KCNT2: variants seen among roughly 807,000 people sequenced by gnomAD.
The protein encoded by KCNT2 is potassium sodium-activated channel subfamily T member 2, also known as potassium channel subfamily T member 2.
KCNT2 carries 67 observed loss-of-function variants against 153.8 expected under a neutral mutation model. The observed-to-expected ratio is 0.44, with a 90% CI of 0.36 to 0.53. The LOEUF (loss-of-function observed/expected upper bound fraction) is 0.53, where lower values mean the gene tolerates loss of function less well. KCNT2 is among the 20% of genes least tolerant of loss of function. KCNT2 has a pLI of 0.00. For synonymous variants in KCNT2, 500 were observed against 458.8 expected (o/e 1.09, Z -1.15); for missense variants, 975 against 1,354.8 (o/e 0.72, Z 4.40).
intron 12 of KCNT2, among the ~76,000 whole-genome samples, chr1:196,403,057 G>A (rs996915536): frequency 6.6e-6 from 1 of 151,546 alleles, no homozygotes; most frequent in Non-Finnish European, 1.5e-5. Context: ...CAGCAATTGG[G>A]CTCCTTAGTA....
chr1:196,244,323 A>C (rs1655228072), intron 26 of KCNT2, among the ~76,000 whole-genome samples: 1 of 152,056 alleles, frequency 6.6e-6, no homozygotes, highest in Non-Finnish European at 1.5e-5. Context: ...GAGAGGGAAG[A>C]GTAAAGGGGA....
intron 14 of KCNT2, among the ~76,000 whole-genome samples, chr1:196,372,730 T>C (rs1006329951): frequency 1.8e-4 from 28 of 151,930 alleles, no homozygotes; most frequent in Admixed American, 1.7e-3. Context: ...AGCTTTCAGA[T>C]AAAACTTACC....
At chr1:196,474,357 A>C (rs1678350135) in intron 5 of KCNT2, among the ~76,000 whole-genome samples, 1 of 152,164 alleles carries the variant, frequency 6.6e-6, no homozygotes, top group Admixed American at 6.5e-5. Context: ...ATTTAATAAA[A>C]GGTTTGGTAA....
chr1:196,562,569 G>A (rs1490992480), intron 1 of KCNT2, among the ~76,000 whole-genome samples: 1 of 151,982 alleles, frequency 6.6e-6, no homozygotes, highest in Non-Finnish European at 1.5e-5. Context: ...CAAATATGGG[G>A]GAGAGTCATG....
intron 25 of KCNT2, among the ~76,000 whole-genome samples, chr1:196,258,883 T>G (rs1656752544): frequency 6.6e-6 from 1 of 152,158 alleles, no homozygotes; most frequent in African/African-American, 2.4e-5. Flanking sequence ...TTTCTAAACC[T>G]ATTACAAGTA....
At chr1:196,441,172 T>C (rs1675190884) in intron 8 of KCNT2, among the ~76,000 whole-genome samples, 1 of 151,890 alleles carries the variant, frequency 6.6e-6, no homozygotes, top group Non-Finnish European at 1.5e-5. Flanking sequence ...TTAAATCTTA[T>C]TAAGAATAAT....
chr1:196,530,905 A>G (rs1170525950), intron 1 of KCNT2, among the ~76,000 whole-genome samples: 6 of 152,098 alleles, frequency 3.9e-5, no homozygotes, highest in African/African-American at 4.8e-5. Context: ...GAATCACATC[A>G]TATCATTTTC....
chr1:196,548,578 AT>A (rs1389299896), intron 1 of KCNT2, among the ~76,000 whole-genome samples: 1 of 152,048 alleles, frequency 6.6e-6, no homozygotes, highest in African/African-American at 2.4e-5. Flanking sequence ...TAGTTCAACC[AT>A]TGTGGAAGTC....
chr1:196,259,756 C>A (rs1284361835), intron 25 of KCNT2: 1 of 151,902 alleles, frequency 6.6e-6, no homozygotes, highest in East Asian at 1.9e-4. Flanking sequence ...TGTTTCAAAA[C>A]AGTACTATAT....
chr1:196,607,493 CTT>C (rs1165864156), intron 1 of KCNT2, among the ~76,000 whole-genome samples: 1 of 152,068 alleles, frequency 6.6e-6, no homozygotes, highest in Non-Finnish European at 1.5e-5. Flanking sequence ...AGTTTTGAAA[CTT>C]AATTTTAATT....
intron 22 of KCNT2, among the ~76,000 whole-genome samples, chr1:196,294,271 T>G (rs369375364): frequency 2.0e-5 from 3 of 152,014 alleles, no homozygotes. Context: ...AAGGCAGCCA[T>G]TATGTTTTGT....
intron 1 of KCNT2, among the ~76,000 whole-genome samples, chr1:196,542,205 AAT>A (rs916071821): frequency 8.5e-5 from 13 of 152,266 alleles, no homozygotes; most frequent in African/African-American, 3.1e-4. Context: ...CTAGTAAGAG[AAT>A]ATAGTTTCTA....
intron 13 of KCNT2, among the ~76,000 whole-genome samples, chr1:196,377,371 C>A (rs895045331): frequency 1.3e-5 from 2 of 151,444 alleles, no homozygotes; most frequent in Non-Finnish European, 2.9e-5. Flanking sequence ...TCAAAAACTG[C>A]CAATTTTTAT....
At chr1:196,432,147 T>C (rs1399961622) in intron 8 of KCNT2, among the ~76,000 whole-genome samples, 1 of 152,134 alleles carries the variant, frequency 6.6e-6, no homozygotes, top group Non-Finnish European at 1.5e-5. Flanking sequence ...GATGCTGCTA[T>C]GGAAGTCAGA....
intron 14 of KCNT2, among the ~76,000 whole-genome samples, chr1:196,354,157 C>T (rs1199961518): frequency 6.6e-6 from 1 of 151,622 alleles, no homozygotes; most frequent in African/African-American, 2.4e-5. Flanking sequence ...TGCCATCACA[C>T]TAGAGGTAAA....
At chr1:196,489,211 G>C (rs1029100052) in intron 3 of KCNT2, among the ~76,000 whole-genome samples, 2 of 151,928 alleles carry the variant, frequency 1.3e-5, no homozygotes, top group African/African-American at 4.8e-5. Flanking sequence ...GCAAAAGTTA[G>C]ATTACTAAGG....
At chr1:196,575,337 C>G (rs1271294658) in intron 1 of KCNT2, among the ~76,000 whole-genome samples, 2 of 151,930 alleles carry the variant, frequency 1.3e-5, no homozygotes, top group Non-Finnish European at 2.9e-5. Flanking sequence ...TTTAACATTT[C>G]TCTTTTGAGA....
At chr1:196,247,035 C>A (rs1010954572) in intron 26 of KCNT2, among the ~76,000 whole-genome samples, 2 of 151,912 alleles carry the variant, frequency 1.3e-5, no homozygotes, top group African/African-American at 2.4e-5. Flanking sequence ...CTCTTGCCTA[C>A]AAGAAACACA....
intron 22 of KCNT2, among the ~76,000 whole-genome samples, chr1:196,293,859 CAAAAAAAA>C (rs571759690): frequency 8.7e-6 from 1 of 115,222 alleles, no homozygotes; most frequent in Admixed American, 9.1e-5. Flanking sequence ...TCTGCACAGT[CAAAAAAAA>C]AAAAAACAAA....
Sources: gnomAD v4.1 joint callset for allele counts (sites outside exome capture counted in the v4.1 genomes callset) on GRCh38, gnomAD v4.1.1 for gene constraint, MANE v1.5 for transcripts, NCBI Gene and HGNC (gene_info 2026-07-23, HGNC 2026-07-21) for gene names.